The following ADAM12 variants were observed in gnomAD, a reference collection of about 807,000 sequenced individuals.
ADAM12 encodes disintegrin and metalloproteinase domain-containing protein 12.
A neutral mutation model predicts 106.4 loss-of-function variants in ADAM12; 70 were observed. That is an observed-to-expected ratio of 0.66 (90% confidence interval 0.54 to 0.80). ADAM12 has a LOEUF of 0.80. ADAM12 is among the 30% of genes least tolerant of loss of function. The pLI, the probability that ADAM12 is intolerant of heterozygous loss-of-function variation, is 0.00. For missense variants in ADAM12, 1,010 were observed against 1,171.9 expected, an observed-to-expected ratio of 0.86 and a Z score of 2.02; for synonymous variants, 420 against 433.5, an observed-to-expected ratio of 0.97 and a Z score of 0.39.
chr10:126,092,886 T>G (rs1955491829), intron 11 of ADAM12, among the ~76,000 whole-genome samples: 1 of 152,236 alleles, frequency 6.6e-6, no homozygotes, highest in African/African-American at 2.4e-5. Context: ...CCCTACAAAC[T>G]ATTTCCCAGG....
chr10:126,024,455 CAGAAG>C (rs1953829916), intron 21 of ADAM12, among the ~76,000 whole-genome samples: 1 of 151,948 alleles, frequency 6.6e-6, no homozygotes, highest in South Asian at 2.1e-4. Flanking sequence ...AGGAGGAAAA[CAGAAG>C]AGAATATATA....
intron 3 of ADAM12, among the ~76,000 whole-genome samples, chr10:126,215,108 C>T (rs1318594466): frequency 2.0e-5 from 3 of 152,322 alleles, no homozygotes; most frequent in African/African-American, 7.2e-5. Context: ...CCTCCCCATA[C>T]CCACACTTCC....
intron 9 of ADAM12, among the ~76,000 whole-genome samples, chr10:126,100,768 C>A (rs2133579130): frequency 6.6e-6 from 1 of 152,202 alleles, no homozygotes; most frequent in East Asian, 1.9e-4. Flanking sequence ...CTCAGAACAA[C>A]TTTACATCAC....
At chr10:126,338,691 C>T (rs1344743921) in intron 1 of ADAM12, among the ~76,000 whole-genome samples, 1 of 152,112 alleles carries the variant, frequency 6.6e-6, no homozygotes, top group Non-Finnish European at 1.5e-5. Context: ...ATGGCAAAAC[C>T]CAAGCCCTTT....
chr10:126,244,325 A>C (rs1286109254), intron 3 of ADAM12, among the ~76,000 whole-genome samples: 1 of 152,224 alleles, frequency 6.6e-6, no homozygotes, highest in African/African-American at 2.4e-5. Flanking sequence ...GTGACCACAC[A>C]GTGCACTGCC....
At chr10:126,074,000 T>G (rs61364466) in intron 11 of ADAM12, among the ~76,000 whole-genome samples, 3,915 of 152,206 alleles carry the variant, frequency 0.026, 171 homozygotes, top group African/African-American at 0.088. Flanking sequence ...AAGAAAGAAA[T>G]AAAAATCAAT....
intron 1 of ADAM12, among the ~76,000 whole-genome samples, chr10:126,348,900 C>T (rs981116397): frequency 2.6e-5 from 4 of 152,086 alleles, no homozygotes; most frequent in Non-Finnish European, 2.9e-5. Context: ...AGAAAAAATT[C>T]GTTGTTTATC....
At chr10:126,223,911 G>A (rs751039984) in intron 3 of ADAM12, among the ~76,000 whole-genome samples, 5 of 152,214 alleles carry the variant, frequency 3.3e-5, no homozygotes, top group Non-Finnish European at 5.9e-5. Flanking sequence ...ATCCCTGGGG[G>A]TTCGTGCCCA....
At chr10:126,376,428 C>T (rs751326039) in intron 1 of ADAM12, among the ~76,000 whole-genome samples, 11 of 152,176 alleles carry the variant, frequency 7.2e-5, no homozygotes, top group Non-Finnish European at 1.3e-4. Context: ...GATAGAAACA[C>T]AGGTATTGAT....
At chr10:126,301,038 T>C (rs369776170) in intron 2 of ADAM12, among the ~76,000 whole-genome samples, 4 of 152,220 alleles carry the variant, frequency 2.6e-5, no homozygotes, top group African/African-American at 4.8e-5. Context: ...CATGTGGCAA[T>C]GTCTAGGGAC....
At chr10:126,059,402 C>A (rs1474059469) in intron 14 of ADAM12, among the ~76,000 whole-genome samples, 2 of 152,186 alleles carry the variant, frequency 1.3e-5, no homozygotes, top group Admixed American at 1.3e-4. Context: ...CTTCTTCAGA[C>A]GGACCTTTGT....
chr10:126,085,039 G>C (rs114015113), intron 11 of ADAM12, among the ~76,000 whole-genome samples: 3 of 152,198 alleles, frequency 2.0e-5, no homozygotes, highest in Non-Finnish European at 2.9e-5. Context: ...ACTGCTTTTA[G>C]ATTTGATATT....
chr10:126,115,189 C>T (rs1048605703), intron 6 of ADAM12, among the ~76,000 whole-genome samples: 4 of 152,130 alleles, frequency 2.6e-5, no homozygotes, highest in Admixed American at 2.0e-4. Flanking sequence ...TCCATACTAA[C>T]GGAGGGGAAC....
chr10:126,214,689 G>A (rs1957956298), intron 3 of ADAM12, among the ~76,000 whole-genome samples: 2 of 152,234 alleles, frequency 1.3e-5, no homozygotes, highest in East Asian at 3.8e-4. Context: ...TTTAGAAAAT[G>A]AAGAAATTGG....
rs34098142 is a variant in ADAM12, at chr10:126,358,176, C to CAA, written c.89-27669_89-27668dup. On this transcript the variant is annotated intron_variant, in intron 1 of 22. Coordinates refer to ENST00000448723, the MANE Select transcript of ADAM12 (RefSeq NM_001288973.2). ...CCTGGGTGACCGTGAGACTCCGTCTCAAAAAAAAAAAAAAAGTAAAGAAAA... is the reference window on the plus strand; with the variant it reads ...CCTGGGTGACCGTGAGACTCCGTCTCAAAAAAAAAAAAAAAAAGTAAAGAAAA... Among the ~76,000 whole-genome samples the CAA allele has an allele frequency of 4.8e-3, 625 of 129,956 alleles. 5 individuals are homozygous for CAA. Among genetic ancestry groups the CAA allele is most frequent in the African/African-American group, 9.2e-3 (318 of 34,630 alleles). The allele number at this position is 129,956 out of a possible 152,430, so 85.3% of individuals were successfully genotyped here.
intron 4 of ADAM12, among the ~76,000 whole-genome samples, chr10:126,153,700 T>C (rs1027723005): frequency 1.3e-5 from 2 of 152,210 alleles, no homozygotes; most frequent in Non-Finnish European, 2.9e-5. Flanking sequence ...TCATCTTTAA[T>C]ATTTTTATTA....
chr10:126,269,420 G>A (rs1262047927), intron 3 of ADAM12, among the ~76,000 whole-genome samples: 1 of 152,160 alleles, frequency 6.6e-6, no homozygotes, highest in Non-Finnish European at 1.5e-5. Flanking sequence ...TTTCCAGAGA[G>A]TTAGTTTTAT....
intron 1 of ADAM12, among the ~76,000 whole-genome samples, chr10:126,368,008 A>G (rs1306159916): frequency 2.0e-5 from 3 of 152,008 alleles, no homozygotes; most frequent in African/African-American, 7.2e-5. Context: ...CAGACATAAA[A>G]TCCTTAAAAT....
In ADAM12 at chr10:126,388,333, T is replaced by G; in HGVS notation, c.-188A>C. ...TTCTAGCCTTTCATTTTTAAAAAAG[T>G]TTCCCCCCGTGTGTGTGCGTGCGTG... On this transcript the variant is annotated 5_prime_UTR_variant, in exon 1 of 23. Transcript: ENST00000448723. The surrounding 1 kb of genome is among the most constrained non-coding windows in gnomAD (Gnocchi z 4.4). The G allele has an allele frequency of 1.1e-6, 1 of 949,544 alleles. No homozygotes were observed. The highest frequency in any genetic ancestry group is 1.3e-6 in the Non-Finnish European group (1 of 747,216). The allele number at this position is 949,544 out of a possible 1,614,324, so 58.8% of individuals were successfully genotyped here. A position where few individuals can be genotyped will look rare whatever the true frequency, so the allele number is the denominator to read the frequency against.
Sources: gnomAD v4.1 joint callset for allele counts (sites outside exome capture counted in the v4.1 genomes callset) on GRCh38, gnomAD v4.1.1 for gene constraint, Gnocchi (gnomAD v3.1) non-coding constraint, MANE v1.5 for transcripts, NCBI Gene and HGNC (gene_info 2026-07-23, HGNC 2026-07-21) for gene names.